PPP2R5C: variants seen among roughly 807,000 people sequenced by gnomAD.
PPP2R5C encodes the protein serine/threonine-protein phosphatase 2A 56 kDa regulatory subunit gamma isoform.
A neutral mutation model predicts 68.9 loss-of-function variants in PPP2R5C; 7 were observed. The ratio of observed to expected loss-of-function variants is 0.10; its 90% CI spans 0.06 to 0.19. PPP2R5C has a LOEUF of 0.19. PPP2R5C is among the 10% of genes least tolerant of loss of function. PPP2R5C has a pLI of 1.00. For synonymous variants in PPP2R5C, 210 were observed against 222.2 expected (o/e 0.95, Z 0.49); for missense variants, 348 against 641.3 (o/e 0.54, Z 4.94).
chr14:101,849,108 G>A (rs952334114), intron 1 of PPP2R5C, among the ~76,000 whole-genome samples: 1 of 152,134 alleles, frequency 6.6e-6, no homozygotes, highest in Non-Finnish European at 1.5e-5. Flanking sequence ...CATCTCTATC[G>A]CTTTGGAATG....
chr14:101,761,705 C>G, upstream of PPP2R5C: 2 of 461,522 alleles, frequency 4.3e-6, no homozygotes, highest in Non-Finnish European at 5.6e-6. Context: ...CCGCCGCCGC[C>G]GCCGCCGCCG....
chr14:101,918,124 A>G (rs1213655216), intron 13 of PPP2R5C, among the ~76,000 whole-genome samples, 177 bp downstream of exon 15: 5 of 152,102 alleles, frequency 3.3e-5, no homozygotes, highest in Non-Finnish European at 7.4e-5. Context: ...AAATTACTAG[A>G]AACAGTTTTT....
rs1021656513 is a variant in PPP2R5C at position 101,888,506 on chromosome 14, G to T, written c.630-1731G>T. Among the ~76,000 whole-genome samples the T allele has an allele frequency of 6.6e-6, 1 of 152,238 alleles. No homozygotes were observed. Among genetic ancestry groups the T allele is most frequent in the East Asian group, 1.9e-4 (1 of 5,172 alleles). ...TTAGGCTTTGGCCACCTGCATTGTT[G>T]TGCTACTGGGTCTCCCTGCTAAAGG... On this transcript the variant is annotated intron_variant, in intron 5 of 13. Coordinates refer to ENST00000334743, the Ensembl canonical transcript of PPP2R5C. This position sits in a 1 kb window ranked among gnomAD's most constrained non-coding sequence, Gnocchi z 5.6.
At chr14:101,853,261 T>TA (rs1000020103) in intron 1 of PPP2R5C, among the ~76,000 whole-genome samples, 40 of 148,744 alleles carry the variant, frequency 2.7e-4, no homozygotes, top group South Asian at 4.2e-4. Context: ...AAAATTCTTT[T>TA]AAAAAAAAAA....
chr14:101,869,334 T>C (rs535014044), intron 2 of PPP2R5C, among the ~76,000 whole-genome samples: 2 of 152,382 alleles, frequency 1.3e-5, no homozygotes, highest in African/African-American at 4.8e-5. Context: ...ATCCATTTCC[T>C]ATGGAGGGAT....
At chr14:101,808,625 G>A (rs1434929968), upstream of PPP2R5C, among the ~76,000 whole-genome samples, 1 of 152,182 alleles carries the variant, frequency 6.6e-6, no homozygotes, top group African/African-American at 2.4e-5. Flanking sequence ...GCGAGCCCTA[G>A]CTGTATTTCA....
intron 3 of PPP2R5C, among the ~76,000 whole-genome samples, chr14:101,802,022 A>G (rs1019284598): frequency 5.3e-5 from 8 of 152,252 alleles, no homozygotes; most frequent in African/African-American, 1.9e-4. Context: ...TAGGTGGTCA[A>G]ACGAGTTTTG....
At chr14:101,799,393 C>T (rs565264483) in intron 3 of PPP2R5C, among the ~76,000 whole-genome samples, 4 of 152,174 alleles carry the variant, frequency 2.6e-5, no homozygotes, top group Non-Finnish European at 5.9e-5. Flanking sequence ...CCATATCTGA[C>T]GCTGGCTTCT....
chr14:101,809,850 C>A, upstream of PPP2R5C: 1 of 1,506,598 alleles, frequency 6.6e-7, no homozygotes, highest in Non-Finnish European at 8.9e-7. Context: ...CCTCCAGCTG[C>A]AGAGAGCTTC....
At chr14:101,841,143 G>A (rs2041444124) in intron 1 of PPP2R5C, among the ~76,000 whole-genome samples, 3 of 152,164 alleles carry the variant, frequency 2.0e-5, no homozygotes, top group Non-Finnish European at 2.9e-5. Flanking sequence ...GAGGCCCAAA[G>A]AGATCGTTTT....
intron 2 of PPP2R5C, among the ~76,000 whole-genome samples, chr14:101,763,246 G>T (rs758398741): frequency 2.1e-4 from 32 of 152,052 alleles, no homozygotes; most frequent in South Asian, 4.2e-4. Flanking sequence ...TTGAGACGGG[G>T]TCTCACTTTG....
At chr14:101,886,766 C>T (rs1450755879) in intron 5 of PPP2R5C, among the ~76,000 whole-genome samples, 1 of 149,504 alleles carries the variant, frequency 6.7e-6, no homozygotes, top group East Asian at 1.9e-4. Flanking sequence ...CACTCTGTCA[C>T]CCAGGCTGGA....
chr14:101,777,253 G>T (rs535019373), intron 2 of PPP2R5C, among the ~76,000 whole-genome samples: 1 of 152,118 alleles, frequency 6.6e-6, no homozygotes, highest in Non-Finnish European at 1.5e-5. Context: ...TGAATAATGC[G>T]CTGTGAACAT....
At chr14:101,810,151 C>T (rs766644464) in intron 1 of PPP2R5C, 131 of 965,032 alleles carry the variant, frequency 1.4e-4, no homozygotes, top group Non-Finnish European at 2.0e-4. Context: ...CACCCCATTT[C>T]GCTGCAGACT....
chr14:101,763,043 T>A, intron 2 of PPP2R5C, 73 bp downstream of exon 2: 22 of 1,306,072 alleles, frequency 1.7e-5, no homozygotes, highest in Non-Finnish European at 2.4e-5. Flanking sequence ...CCGAGAGTGA[T>A]AAAGCCTAGA....
intron 5 of PPP2R5C, among the ~76,000 whole-genome samples, chr14:101,886,916 G>T (rs556503877): frequency 6.6e-5 from 10 of 152,218 alleles, no homozygotes; most frequent in African/African-American, 2.2e-4. Context: ...TTTTTGTAGA[G>T]ATGGAGATCT....
intron 1 of PPP2R5C, among the ~76,000 whole-genome samples, chr14:101,833,833 G>A (rs1270762055): frequency 2.0e-5 from 3 of 152,024 alleles, no homozygotes; most frequent in Non-Finnish European, 2.9e-5. Flanking sequence ...ACGGAGTCTC[G>A]CTCTGTCACC....
At chr14:101,764,025 G>A (rs575174746) in intron 2 of PPP2R5C, among the ~76,000 whole-genome samples, 2,883 of 151,284 alleles carry the variant, frequency 0.019, 46 homozygotes, top group Middle Eastern at 0.068. Flanking sequence ...GTGTGTGTGT[G>A]TGTGGGCGCG....
At chr14:101,919,969 C>CCAAAAAAAAAAAAAAAAAAAAAAAA (rs775818748) in intron 13 of PPP2R5C, among the ~76,000 whole-genome samples, 4 of 52,880 alleles carry the variant, frequency 7.6e-5, no homozygotes, top group African/African-American at 3.6e-4. Context: ...AACTCCGTCT[C>CCAAAAAAAAAAAAAAAAAAAAAAAA]AAAAAAAAAA....
Sources: gnomAD v4.1 joint callset for allele counts (sites outside exome capture counted in the v4.1 genomes callset) on GRCh38, gnomAD v4.1.1 for gene constraint, Gnocchi (gnomAD v3.1) non-coding constraint, MANE v1.5 for transcripts, NCBI Gene and HGNC (gene_info 2026-07-23, HGNC 2026-07-21) for gene names.